Variants in PROX1 observed in about 807,000 individuals in gnomAD.
The protein encoded by PROX1 is prospero homeobox 1.
A neutral mutation model predicts 58.8 loss-of-function variants in PROX1; 7 were observed. The observed-to-expected ratio is 0.12, with a 90% CI of 0.07 to 0.22. The LOEUF (loss-of-function observed/expected upper bound fraction) is 0.22, where lower values mean the gene tolerates loss of function less well. PROX1 is among the 10% of genes least tolerant of loss of function. The probability of loss-of-function intolerance (pLI) is 1.00; values close to 1 mark genes in which losing one functional copy is unlikely to be tolerated. For missense variants in PROX1, 675 were observed against 927.8 expected (o/e 0.73, Z 3.54); for synonymous variants, 350 against 358.3 (o/e 0.98, Z 0.26).
At chr1:214,029,862 A>C (rs2102773482) in intron 4 of PROX1, 1 of 152,576 alleles carries the variant, frequency 6.6e-6, no homozygotes, top group South Asian at 2.1e-4. Flanking sequence ...GAGTTGTAAA[A>C]GCCATCTGAA....
At chr1:214,012,735 G>A (rs773603208) in intron 4 of PROX1, among the ~76,000 whole-genome samples, 3 of 152,192 alleles carry the variant, frequency 2.0e-5, no homozygotes, top group Non-Finnish European at 4.4e-5. Flanking sequence ...TAGATGCTGT[G>A]CCATCTTGAG....
chr1:213,995,525 G>C (rs1047496115), intron 1 of PROX1, among the ~76,000 whole-genome samples: 5 of 151,572 alleles, frequency 3.3e-5, no homozygotes, highest in African/African-American at 1.2e-4. Context: ...ATGTTAAAGA[G>C]TTTCTTTGGG....
At chr1:213,993,977 T>G (rs1663132559) in intron 1 of PROX1, among the ~76,000 whole-genome samples, 1 of 152,226 alleles carries the variant, frequency 6.6e-6, no homozygotes, top group African/African-American at 2.4e-5. Flanking sequence ...CTTAACAGAC[T>G]CCACAAGCAT....
chr1:214,019,485 G>A lies in PROX1; in HGVS notation c.2028+7770G>A, dbSNP rs554669943. On this transcript the variant is annotated intron_variant, in intron 4 of 4. Coordinates refer to ENST00000366958, the MANE Select transcript of PROX1 (RefSeq NM_001270616.2). ...AGATTTCTGTTGCCTCACTAGGGTTGGATAGAAAACACCCACCAAAGATGG... is the reference window on the plus strand; with the variant it reads ...AGATTTCTGTTGCCTCACTAGGGTTAGATAGAAAACACCCACCAAAGATGG... 2.6e-5 allele frequency among the ~76,000 whole-genome samples: 4 copies of A among 152,264 alleles called. No individual in the cohort carries two copies. In the South Asian group the frequency reaches 8.3e-4, roughly 32 times the overall value.
At chr1:214,016,537 G>A (rs756225386) in intron 4 of PROX1, among the ~76,000 whole-genome samples, 1 of 152,180 alleles carries the variant, frequency 6.6e-6, no homozygotes, top group Non-Finnish European at 1.5e-5. Flanking sequence ...CACACTCTTG[G>A]TGGGTGGCGA....
intron 4 of PROX1, among the ~76,000 whole-genome samples, chr1:214,019,518 C>T (rs1664208279): frequency 6.6e-6 from 1 of 152,174 alleles, no homozygotes; most frequent in African/African-American, 2.4e-5. Context: ...TGGGTGCAAA[C>T]CTCACCTTCG....
intron 4 of PROX1, among the ~76,000 whole-genome samples, chr1:214,034,476 C>T (rs1487611032): frequency 6.6e-6 from 1 of 152,108 alleles, no homozygotes; most frequent in Non-Finnish European, 1.5e-5. Context: ...TATAAGTACC[C>T]CACTAAAAGA....
chr1:214,018,654 T>C (rs1426447107), intron 4 of PROX1, among the ~76,000 whole-genome samples: 2 of 152,126 alleles, frequency 1.3e-5, no homozygotes, highest in African/African-American at 4.8e-5. Flanking sequence ...AACTAGTAAA[T>C]CACAGAGGTT....
intron 4 of PROX1, among the ~76,000 whole-genome samples, chr1:214,012,882 C>G (rs1663962248): frequency 1.3e-5 from 2 of 152,178 alleles, no homozygotes; most frequent in African/African-American, 4.8e-5. Context: ...TGGCCTCGCT[C>G]TGTCAATTAA....
At chr1:213,987,063 C>G (rs1454267611), upstream of PROX1, among the ~76,000 whole-genome samples, 1 of 152,158 alleles carries the variant, frequency 6.6e-6, no homozygotes, top group Admixed American at 6.5e-5. Flanking sequence ...TTTGGTCTTT[C>G]TGGGGCGAGT....
chr1:214,020,336 T>G (rs1418266246), intron 4 of PROX1, among the ~76,000 whole-genome samples: 1 of 152,238 alleles, frequency 6.6e-6, no homozygotes, highest in Non-Finnish European at 1.5e-5. Flanking sequence ...TGCCTCGCTG[T>G]GCACGTTACA....
intron 4 of PROX1, among the ~76,000 whole-genome samples, chr1:214,013,129 A>G (rs1325648488): frequency 8.7e-6 from 1 of 115,582 alleles, no homozygotes; most frequent in Non-Finnish European, 1.8e-5. Flanking sequence ...TGATAAATGA[A>G]GTTTGGGTGG....
At chr1:213,992,830 T>G (rs533034973) in intron 1 of PROX1, among the ~76,000 whole-genome samples, 2 of 152,302 alleles carry the variant, frequency 1.3e-5, no homozygotes, top group Non-Finnish European at 2.9e-5. Context: ...AATAACTTCT[T>G]TATTAAAGTA....
intron 2 of PROX1, among the ~76,000 whole-genome samples, chr1:214,004,711 A>C (rs932917266): frequency 2.0e-5 from 3 of 152,238 alleles, no homozygotes; most frequent in African/African-American, 7.2e-5. Context: ...TTATATTTTC[A>C]TGTACATTAG....
At chr1:214,035,527 A>G in intron 4 of PROX1, 122 bp from the exon 5 acceptor site, 1 of 896,360 alleles carries the variant, frequency 1.1e-6, no homozygotes, top group South Asian at 2.1e-5. Context: ...AGCTATTTTT[A>G]GAAAATGCAG....
chr1:214,002,412 C>CTTTTTTTTTTTTTTTTTTTTT (rs774337530), intron 2 of PROX1, among the ~76,000 whole-genome samples: 22 of 116,354 alleles, frequency 1.9e-4, no homozygotes, highest in East Asian at 4.9e-4. Context: ...TTTCTTTTTT[C>CTTTTTTTTTTTTTTTTTTTTT]TTTTTTTTTT....
In PROX1 at chr1:213,998,255, A is replaced by G; in HGVS notation, c.1720A>G (p.Ser574Gly). The G allele has an allele frequency of 6.4e-7, 1 of 1,552,790 alleles. No homozygotes were observed. Among genetic ancestry groups the G allele is most frequent in the Non-Finnish European group, 8.7e-7 (1 of 1,150,762 alleles). The change falls in exon 2 of 5, where the codon AGT (serine) becomes GGT (glycine). Residue 574 changes from serine to glycine, a missense_variant. Around this residue, in one of 8 missense-constraint regions of PROX1, gnomAD observed 39 missense variants for 73.4 expected, o/e 0.53. Coordinates refer to ENST00000366958, the MANE Select transcript of PROX1 (RefSeq NM_001270616.2). Reference sequence around the variant, plus strand: ...GTCTGAAATATCACCTTATTCGGGAAGTGCAATATCCTTTTATTTTCCCCT... The same window carrying G: ...GTCTGAAATATCACCTTATTCGGGAGGTGCAATATCCTTTTATTTTCCCCT... ...DMSEISPYSG[S>G]AMQEGLSPNH...
At chr1:214,031,115 G>T (rs1019898) in intron 4 of PROX1, among the ~76,000 whole-genome samples, 4,072 of 151,958 alleles carry the variant, frequency 0.027, 101 homozygotes, top group African/African-American at 0.057. Flanking sequence ...CCCAGCTGTG[G>T]ACTGGGCAGA....
intron 4 of PROX1, among the ~76,000 whole-genome samples, chr1:214,017,959 G>A (rs1329072225): frequency 6.6e-6 from 1 of 152,230 alleles, no homozygotes; most frequent in Admixed American, 6.5e-5. Flanking sequence ...GGGAGAAAGA[G>A]AGCAAGTTCT....
Sources: allele counts gnomAD v4.1 joint callset (sites outside exome capture counted in the v4.1 genomes callset), GRCh38; gene constraint gnomAD v4.1.1; regional missense constraint gnomAD v4.1.1; transcripts MANE v1.5; gene names NCBI Gene and HGNC (gene_info 2026-07-23, HGNC 2026-07-21).